Variants in CCSER2 observed in about 807,000 individuals in gnomAD.
The protein encoded by CCSER2 is coiled-coil serine rich protein 2, also known as serine-rich coiled-coil domain-containing protein 2.
Under a neutral mutation model 92.3 loss-of-function variants are expected in CCSER2, and 46 were observed. That is an observed-to-expected ratio of 0.50 (90% CI 0.39 to 0.64). The LOEUF is 0.64. CCSER2 is among the 30% of genes least tolerant of loss of function. The pLI is 0.00. For missense variants in CCSER2, 1,244 were observed against 1,238.9 expected (o/e 1.00, Z -0.06); for synonymous variants, 433 against 431.4 (o/e 1.00, Z -0.04).
At chr10:84,342,882 C>T (rs908148823) in intron 1 of CCSER2, among the ~76,000 whole-genome samples, 1 of 152,048 alleles carries the variant, frequency 6.6e-6, no homozygotes, top group Non-Finnish European at 1.5e-5. Flanking sequence ...TTCTCTTTCT[C>T]TTTCTTTTTT....
intron 9 of CCSER2, among the ~76,000 whole-genome samples, chr10:84,501,745 C>A (rs1454902292): frequency 8.2e-6 from 1 of 122,116 alleles, no homozygotes; most frequent in African/African-American, 2.9e-5. Context: ...CTTTCTAGAT[C>A]AAAACTTCTT....
intron 3 of CCSER2, among the ~76,000 whole-genome samples, chr10:84,395,067 C>T (rs992401737): frequency 1.3e-4 from 19 of 151,764 alleles, no homozygotes; most frequent in Admixed American, 1.2e-3. Flanking sequence ...GTACAAAACA[C>T]TAAAAAATTA....
chr10:84,381,712 G>T (rs1033732513), intron 3 of CCSER2, among the ~76,000 whole-genome samples: 1 of 151,974 alleles, frequency 6.6e-6, no homozygotes, highest in Non-Finnish European at 1.5e-5. Context: ...TGGATCACCT[G>T]AGGTCAGGAG....
Position 84,441,734 on chromosome 10 carries a change from A to ATTTTTTTTTTTTTTT in CCSER2, c.2064+3028_2064+3029insTTTTTTTTTTTTTTT, listed in dbSNP as rs1564667385. Among the ~76,000 whole-genome samples, 22 of 106,448 alleles carry ATTTTTTTTTTTTTTT rather than the reference A, an allele frequency of 2.1e-4. 3 individuals are homozygous for ATTTTTTTTTTTTTTT. Among genetic ancestry groups the ATTTTTTTTTTTTTTT allele is most frequent in the South Asian group, 6.7e-4 (2 of 2,964 alleles). The allele number at this position is 106,448 out of a possible 152,430, so 69.8% of individuals were successfully genotyped here. On this transcript the variant is annotated intron_variant, in intron 6 of 9. Coordinates refer to ENST00000372088, the MANE Select transcript of CCSER2 (RefSeq NM_001284240.2). ...GGGAATAAAGTAGAAGACTGGGAAA[A>ATTTTTTTTTTTTTTT]TGTTTTTTTTTTTTTTTTTTTTTTT... is the stretch of plus-strand genomic sequence containing the variant.
At chr10:84,483,995 A>ATATATATG (rs1564711747) in intron 9 of CCSER2, among the ~76,000 whole-genome samples, 73 of 72,324 alleles carry the variant, frequency 1.0e-3, no homozygotes, top group Non-Finnish European at 1.5e-3. Flanking sequence ...ATATATATAT[A>ATATATATG]TAATTTTTTT....
chr10:84,447,029 GTTT>G (rs537462619), intron 6 of CCSER2, among the ~76,000 whole-genome samples: 1 of 139,900 alleles, frequency 7.1e-6, no homozygotes. Context: ...TTTGTTTCCA[GTTT>G]TTTTTTTTTT....
chr10:84,384,001 T>G (rs964647622), intron 3 of CCSER2, among the ~76,000 whole-genome samples: 2 of 152,180 alleles, frequency 1.3e-5, no homozygotes, highest in Admixed American at 6.5e-5. Flanking sequence ...CATCAGAGAC[T>G]GCTATGAACA....
chr10:84,423,982 T>TAAAAAAA (rs3044102), intron 4 of CCSER2, among the ~76,000 whole-genome samples: 3 of 108,178 alleles, frequency 2.8e-5, no homozygotes, highest in African/African-American at 1.1e-4. Context: ...CCCCATCTCT[T>TAAAAAAA]AAAAAAAAAA....
chr10:84,416,467 GA>G (rs953770749), intron 3 of CCSER2, among the ~76,000 whole-genome samples: 8 of 150,780 alleles, frequency 5.3e-5, no homozygotes, highest in South Asian at 2.1e-4. Context: ...TTTTAAAAAT[GA>G]AAAAAAAATT....
chr10:84,437,637 TTTTA>T (rs1369168469), intron 5 of CCSER2, among the ~76,000 whole-genome samples: 2 of 152,158 alleles, frequency 1.3e-5, no homozygotes, highest in Non-Finnish European at 2.9e-5. Flanking sequence ...AACACATTAC[TTTTA>T]TTTTTTTCCT....
At chr10:84,330,903 G>A (rs1239199062) in intron 1 of CCSER2, among the ~76,000 whole-genome samples, 1 of 152,132 alleles carries the variant, frequency 6.6e-6, no homozygotes, top group Non-Finnish European at 1.5e-5. Flanking sequence ...ATTTTGAGGC[G>A]CAAAGTCACG....
At chr10:84,442,813 C>T (rs553797194) in intron 6 of CCSER2, among the ~76,000 whole-genome samples, 3 of 152,230 alleles carry the variant, frequency 2.0e-5, no homozygotes, top group Admixed American at 6.5e-5. Context: ...TGGAACAGAA[C>T]AGAAATAATG....
chr10:84,356,685 G>T (rs927116020), intron 1 of CCSER2, among the ~76,000 whole-genome samples: 11 of 152,120 alleles, frequency 7.2e-5, no homozygotes, highest in African/African-American at 2.7e-4. Context: ...CTTCATTAGG[G>T]TTAGTAACCC....
rs570310469 is a variant in CCSER2, at chr10:84,464,998, C to G, written c.2148+982C>G. 3.9e-5 allele frequency among the ~76,000 whole-genome samples: 6 copies of G among 152,216 alleles called. No homozygotes were observed. The East Asian group carries it at 1.2e-3, about 29-fold the overall frequency. On this transcript the variant is annotated intron_variant, in intron 7 of 9. Coordinates refer to ENST00000372088, the MANE Select transcript of CCSER2 (RefSeq NM_001284240.2). ...ATAGTACAGTAGTCAATCTCATTCT[C>G]TCATCTTGGCTTTTCAACTTGTTGA...
chr10:84,441,565 T>C (rs544759740), intron 6 of CCSER2, among the ~76,000 whole-genome samples: 30 of 152,226 alleles, frequency 2.0e-4, no homozygotes, highest in African/African-American at 7.2e-4. Flanking sequence ...TTCAGGACTT[T>C]GTACATGGCC....
chr10:84,486,271 G>T (rs561441413), intron 9 of CCSER2, among the ~76,000 whole-genome samples: 2 of 152,170 alleles, frequency 1.3e-5, no homozygotes, highest in Non-Finnish European at 1.5e-5. Flanking sequence ...TAATGGGATG[G>T]CTGGGTCAAA....
intron 5 of CCSER2, among the ~76,000 whole-genome samples, chr10:84,433,772 CT>C (rs1053163200): frequency 3.3e-5 from 5 of 151,630 alleles, no homozygotes; most frequent in African/African-American, 4.8e-5. Context: ...TAGTTTGCAT[CT>C]TTTTTTTTAT....
intron 1 of CCSER2, among the ~76,000 whole-genome samples, chr10:84,333,842 A>G (rs770370027): frequency 3.9e-5 from 6 of 152,234 alleles, no homozygotes; most frequent in Non-Finnish European, 8.8e-5. Flanking sequence ...TGCTCACAGC[A>G]CTTTGTTATA....
intron 1 of CCSER2, among the ~76,000 whole-genome samples, chr10:84,333,338 T>C (rs1417038097): frequency 6.6e-6 from 1 of 152,170 alleles, no homozygotes; most frequent in Non-Finnish European, 1.5e-5. Context: ...GTTCTTGGCA[T>C]GGAGTTTCTT....
Sources: gnomAD v4.1 joint callset for allele counts (sites outside exome capture counted in the v4.1 genomes callset) on GRCh38, gnomAD v4.1.1 for gene constraint, MANE v1.5 for transcripts, NCBI Gene and HGNC (gene_info 2026-07-23, HGNC 2026-07-21) for gene names.